Variants in ZMAT4 observed in about 807,000 individuals in gnomAD.
The protein encoded by ZMAT4 is zinc finger matrin-type protein 4.
Under a neutral mutation model 28.7 loss-of-function variants are expected in ZMAT4, and 17 were observed. The observed-to-expected ratio is 0.59, with a 90% CI of 0.41 to 0.89. The LOEUF is 0.89. ZMAT4 is among the 40% of genes least tolerant of loss of function. ZMAT4 has a pLI of 0.00. For synonymous variants in ZMAT4, 117 were observed against 109.2 expected (o/e 1.07, Z -0.44); for missense variants, 240 against 283.8 (o/e 0.85, Z 1.11).
At chr8:40,617,896 A>T (rs1475718159) in intron 5 of ZMAT4, among the ~76,000 whole-genome samples, 2 of 152,248 alleles carry the variant, frequency 1.3e-5, no homozygotes, top group Non-Finnish European at 2.9e-5. Context: ...CTTTTTCAAA[A>T]TGAAAAATTT....
chr8:40,846,228 T>A (rs1816892739), intron 1 of ZMAT4, among the ~76,000 whole-genome samples: 1 of 152,198 alleles, frequency 6.6e-6, no homozygotes, highest in Non-Finnish European at 1.5e-5. Context: ...TTCTTATATA[T>A]AACCTTTTAC....
At chr8:40,601,004 A>C (rs181608472) in intron 5 of ZMAT4, among the ~76,000 whole-genome samples, 39 of 152,296 alleles carry the variant, frequency 2.6e-4, no homozygotes, top group African/African-American at 9.1e-4. Flanking sequence ...AAGCAGTATA[A>C]GACTCACCTC....
At chr8:40,707,435 TA>T (rs1169756732) in intron 3 of ZMAT4, among the ~76,000 whole-genome samples, 1 of 152,192 alleles carries the variant, frequency 6.6e-6, no homozygotes, top group Non-Finnish European at 1.5e-5. Flanking sequence ...GGATATCACT[TA>T]TAATTATTAA....
intron 3 of ZMAT4, among the ~76,000 whole-genome samples, chr8:40,730,366 A>T (rs1273753950): frequency 6.6e-6 from 1 of 152,256 alleles, no homozygotes; most frequent in Non-Finnish European, 1.5e-5. Context: ...GTGATTGAAG[A>T]TGAATTGATT....
At chr8:40,639,503 G>A (rs1358789806) in intron 5 of ZMAT4, among the ~76,000 whole-genome samples, 1 of 152,120 alleles carries the variant, frequency 6.6e-6, no homozygotes, top group Non-Finnish European at 1.5e-5. Context: ...TCTTCATAAA[G>A]TTAGAATAGA....
intron 4 of ZMAT4, among the ~76,000 whole-genome samples, chr8:40,680,538 G>A (rs1020967476): frequency 3.9e-5 from 6 of 152,074 alleles, no homozygotes; most frequent in South Asian, 2.1e-4. Flanking sequence ...CCAGGTGGGC[G>A]TCATTAGCTG....
chr8:40,650,006 A>G (rs1807556830), intron 5 of ZMAT4, among the ~76,000 whole-genome samples: 1 of 151,998 alleles, frequency 6.6e-6, no homozygotes, highest in South Asian at 2.1e-4. Context: ...TAACATCACA[A>G]TTAAAAGAAC....
chr8:40,729,813 G>C (rs1372519535), intron 3 of ZMAT4, among the ~76,000 whole-genome samples: 1 of 152,010 alleles, frequency 6.6e-6, no homozygotes, highest in Non-Finnish European at 1.5e-5. Flanking sequence ...TGGCAAGGAT[G>C]GTCTCAATCT....
intron 5 of ZMAT4, among the ~76,000 whole-genome samples, chr8:40,663,947 C>T (rs549462978): frequency 3.9e-5 from 6 of 152,058 alleles, no homozygotes; most frequent in South Asian, 2.1e-4. Flanking sequence ...TATTATTTGA[C>T]ACTAGTTTCT....
intron 6 of ZMAT4, among the ~76,000 whole-genome samples, chr8:40,563,945 C>G (rs1377573366): frequency 6.6e-6 from 1 of 152,086 alleles, no homozygotes; most frequent in East Asian, 1.9e-4. Context: ...ACAGGGGAAA[C>G]CAATGAGTTT....
intron 6 of ZMAT4, among the ~76,000 whole-genome samples, chr8:40,546,548 C>A (rs1803209527): frequency 6.6e-6 from 1 of 152,218 alleles, no homozygotes. Context: ...CCAATGCAGG[C>A]AAGTCCTGGT....
chr8:40,639,447 T>C (rs1806923176), intron 5 of ZMAT4, among the ~76,000 whole-genome samples: 1 of 152,132 alleles, frequency 6.6e-6, no homozygotes, highest in Non-Finnish European at 1.5e-5. Context: ...TCTTGAGCTT[T>C]GGAATTACTA....
intron 3 of ZMAT4, among the ~76,000 whole-genome samples, chr8:40,756,434 A>ATATATATATATATATATG (rs1812687785): frequency 8.7e-6 from 1 of 115,172 alleles, no homozygotes; most frequent in African/African-American, 3.3e-5. Flanking sequence ...TTTTATATAT[A>ATATATATATATATATATG]TATATATATA....
chr8:40,881,591 AAAG>A lies in ZMAT4; in HGVS notation c.-5+16089_-5+16091del, dbSNP rs1368234200. 9.0e-4 allele frequency among the ~76,000 whole-genome samples: 88 copies of A among 98,262 alleles called. 1 individual carries two copies. Among genetic ancestry groups the A allele is most frequent in the Non-Finnish European group, 1.1e-3 (49 of 45,782 alleles). The allele number at this position is 98,262 out of a possible 152,430, so 64.5% of individuals were successfully genotyped here. A position where few individuals can be genotyped will look rare whatever the true frequency, so the allele number is the denominator to read the frequency against. ...GAAAGAAAGAAAGAAAGAAAGAAAGAAAGAAAGAAAAGAAAAGAAAAGAGAGAG... is the reference window on the plus strand; with the variant it reads ...GAAAGAAAGAAAGAAAGAAAGAAAGAAAAGAAAAGAAAAGAAAAGAGAGAG... On this transcript the variant is annotated intron_variant, in intron 1 of 6. Transcript: ENST00000297737.
intron 5 of ZMAT4, among the ~76,000 whole-genome samples, chr8:40,658,131 G>A (rs1400567676): frequency 6.6e-6 from 1 of 151,936 alleles, no homozygotes; most frequent in African/African-American, 2.4e-5. Context: ...GCTGATTAAT[G>A]TTCTATTCCC....
chr8:40,542,733 C>T (rs1051888065), intron 6 of ZMAT4, among the ~76,000 whole-genome samples: 5 of 152,058 alleles, frequency 3.3e-5, no homozygotes, highest in African/African-American at 9.7e-5. Flanking sequence ...ATTATACTAT[C>T]GGGACAATGC....
intron 5 of ZMAT4, among the ~76,000 whole-genome samples, chr8:40,628,400 T>C (rs1806453106): frequency 6.6e-6 from 1 of 152,264 alleles, no homozygotes; most frequent in Non-Finnish European, 1.5e-5. Flanking sequence ...TCTTTCATTT[T>C]GTCTTCGTAA....
At chr8:40,563,765 G>C (rs1344966199) in intron 6 of ZMAT4, among the ~76,000 whole-genome samples, 1 of 152,014 alleles carries the variant, frequency 6.6e-6, no homozygotes, top group Non-Finnish European at 1.5e-5. Context: ...TGTGACAGAG[G>C]GTAAAGGATA....
chr8:40,874,138 C>G (rs528880406), intron 1 of ZMAT4, among the ~76,000 whole-genome samples: 54 of 152,354 alleles, frequency 3.5e-4, no homozygotes, highest in African/African-American at 1.2e-3. Flanking sequence ...CTATAAAACA[C>G]TCAGACCTGT....
Sources: gnomAD v4.1 joint callset for allele counts (sites outside exome capture counted in the v4.1 genomes callset) on GRCh38, gnomAD v4.1.1 for gene constraint, MANE v1.5 for transcripts, NCBI Gene and HGNC (gene_info 2026-07-23, HGNC 2026-07-21) for gene names.